Variants in DOCK1 observed in about 807,000 individuals in gnomAD.
The protein encoded by DOCK1 is dedicator of cytokinesis protein 1.
Under a neutral mutation model 262.7 loss-of-function variants are expected in DOCK1, and 138 were observed. The observed-to-expected ratio is 0.53, with a 90% CI of 0.46 to 0.61. The LOEUF (loss-of-function observed/expected upper bound fraction) is 0.61. Ranked by LOEUF, DOCK1 falls within the 20% of genes least tolerant of loss-of-function variation. DOCK1 has a pLI of 0.00. For missense variants in DOCK1, 1,908 were observed against 2,370.7 expected (o/e 0.80, Z 4.05); for synonymous variants, 866 against 867.4 (o/e 1.00, Z 0.03).
chr10:127,444,374 T>TGC, intron 50 of DOCK1, 95 bp downstream of exon 50: 2 of 1,398,148 alleles, frequency 1.4e-6, no homozygotes, highest in Non-Finnish European at 1.9e-6. Context: ...CTCCCTCCCC[T>TGC]TGCAGCAGAG....
intron 19 of DOCK1, among the ~76,000 whole-genome samples, chr10:127,038,535 A>G (rs1171043047): frequency 6.6e-6 from 1 of 152,150 alleles, no homozygotes; most frequent in African/African-American, 2.4e-5. Context: ...TACTGCCATC[A>G]GCATTCGTAC....
chr10:127,389,249 T>A (rs1345483757), intron 38 of DOCK1, among the ~76,000 whole-genome samples: 2 of 152,178 alleles, frequency 1.3e-5, no homozygotes, highest in Non-Finnish European at 2.9e-5. Flanking sequence ...GGACTTAGAA[T>A]CACTTTTGTT....
At chr10:127,228,359 T>A (rs1411919255) in intron 27 of DOCK1, among the ~76,000 whole-genome samples, 1 of 152,032 alleles carries the variant, frequency 6.6e-6, no homozygotes, top group African/African-American at 2.4e-5. Context: ...GGCCCGGAGG[T>A]GGCTGGAAGT....
At chr10:127,248,163 A>C in intron 28 of DOCK1, 54 bp downstream of exon 28, 3 of 1,458,848 alleles carry the variant, frequency 2.1e-6, no homozygotes, top group Non-Finnish European at 1.9e-6. Context: ...CCAGCACTTT[A>C]GACAAAAGCC....
chr10:127,041,848 T>A (rs1378413600), intron 19 of DOCK1, among the ~76,000 whole-genome samples: 1 of 152,206 alleles, frequency 6.6e-6, no homozygotes, highest in East Asian at 1.9e-4. Context: ...TGGCCAGTAT[T>A]TCGTTGTGTG....
chr10:127,199,059 G>GA (rs903516952), intron 27 of DOCK1, among the ~76,000 whole-genome samples: 66 of 143,200 alleles, frequency 4.6e-4, no homozygotes, highest in Non-Finnish European at 6.6e-4. Flanking sequence ...GCTTCCTCAG[G>GA]AAAAAAAAAA....
At chr10:127,133,732 A>C (rs1000153462) in intron 27 of DOCK1, among the ~76,000 whole-genome samples, 3 of 152,210 alleles carry the variant, frequency 2.0e-5, no homozygotes, top group African/African-American at 7.2e-5. Flanking sequence ...GCCTTAAGTT[A>C]ATTTTTGCGC....
At chr10:127,052,618 C>T (rs1036058166) in intron 21 of DOCK1, 63 bp from the exon 22 acceptor site, 94 of 1,608,240 alleles carry the variant, frequency 5.8e-5, no homozygotes, top group South Asian at 3.2e-4. Context: ...ATTTCCTTAG[C>T]AGTTAAGATT....
intron 27 of DOCK1, among the ~76,000 whole-genome samples, chr10:127,158,077 A>G (rs1180710933): frequency 2.0e-5 from 3 of 152,194 alleles, no homozygotes; most frequent in Non-Finnish European, 4.4e-5. Flanking sequence ...TTCACTGATA[A>G]TTTTATGGTC....
At position 127,043,049 on chromosome 10, in the gene DOCK1, T is replaced by G; in HGVS notation, c.2101-15T>G. 1 of 1,568,166 alleles carries G rather than the reference T, an allele frequency of 6.4e-7. No individual in the cohort carries two copies. The highest frequency in any genetic ancestry group is 1.7e-5 in the Admixed American group (1 of 57,168). ...ATTATGTTGCTAATGAAAATATTAT[T>G]GATTAATTTGACAGGTATTTATCAT... On this transcript the variant is annotated splice_polypyrimidine_tract_variant and intron_variant, in intron 20 of 51. Coordinates refer to ENST00000623213, the MANE Select transcript of DOCK1 (RefSeq NM_001290223.2).
Position 127,186,846 on chromosome 10 carries a change from CACAG to C in DOCK1, c.2847+59086_2847+59089del, listed in dbSNP as rs566184577. 5.3e-4 allele frequency among the ~76,000 whole-genome samples: 81 copies of C among 152,052 alleles called. No individual in the cohort carries two copies. The South Asian group carries it at 9.0e-3, about 17-fold the overall frequency. On this transcript the variant is annotated intron_variant, in intron 27 of 51. Coordinates refer to ENST00000623213, the MANE Select transcript of DOCK1 (RefSeq NM_001290223.2). Reference sequence around the variant, plus strand: ...GGGGAACGGTGAGTCGAGAGAAATGCACAGACAAACAGACACATGCACACACAGA... The same window carrying C: ...GGGGAACGGTGAGTCGAGAGAAATGCACAAACAGACACATGCACACACAGA...
intron 27 of DOCK1, among the ~76,000 whole-genome samples, chr10:127,220,857 G>A (rs1256700681): frequency 6.6e-6 from 1 of 151,686 alleles, no homozygotes; most frequent in Non-Finnish European, 1.5e-5. Context: ...TCCTAAACAA[G>A]TGCTGTTAAA....
intron 26 of DOCK1, among the ~76,000 whole-genome samples, chr10:127,126,637 A>G (rs2049981493): frequency 6.6e-6 from 1 of 152,010 alleles, no homozygotes; most frequent in African/African-American, 2.4e-5. Flanking sequence ...TGTGCCTTTC[A>G]CTCCCAACAT....
chr10:127,439,179 C>T lies in DOCK1; in HGVS notation c.5213C>T (p.Thr1738Ile). ...QEIFEKEFKP[T>I]DISLQQSEAV... ...ATATTTGAGAAAGAATTTAAACCCA[C>T]CGACATTTCCCTGCAGCAGTCTGAG... is the stretch of plus-strand genomic sequence containing the variant. Residue 1738 changes from threonine (T) to isoleucine (I), a missense_variant, in exon 49 of 52, where the codon ACC (threonine) becomes ATC (isoleucine). Transcript: ENST00000623213. 6.2e-7 allele frequency: 1 copy of T among 1,611,744 alleles called. No homozygotes were observed. The highest frequency in any genetic ancestry group is 8.5e-7 in the Non-Finnish European group (1 of 1,179,046).
intron 23 of DOCK1, among the ~76,000 whole-genome samples, chr10:127,093,202 CTTTCTTTCTTTCTTTCT>C (rs756157569): frequency 6.8e-4 from 88 of 129,632 alleles, no homozygotes; most frequent in African/African-American, 1.5e-3. Context: ...TCTCCTTTTT[CTTTCTTTCTTTCTTTCT>C]TTTCTTTCTT....
intron 1 of DOCK1, among the ~76,000 whole-genome samples, chr10:126,951,758 T>C (rs2036269298): frequency 6.6e-6 from 1 of 151,878 alleles, no homozygotes; most frequent in African/African-American, 2.4e-5. Flanking sequence ...TAGAACTAAA[T>C]CAAATGGAAA....
intron 22 of DOCK1, among the ~76,000 whole-genome samples, chr10:127,053,168 C>T (rs529979782): frequency 6.6e-6 from 1 of 152,234 alleles, no homozygotes; most frequent in East Asian, 1.9e-4. Context: ...GGCAAAAAGT[C>T]CCAAAAGAAA....
chr10:127,011,553 C>T (rs1240133078), intron 11 of DOCK1, among the ~76,000 whole-genome samples: 1 of 152,160 alleles, frequency 6.6e-6, no homozygotes, highest in African/African-American at 2.4e-5. Context: ...GCATATGCCC[C>T]CCGTTTGTAG....
chr10:126,947,685 G>GGTA (rs2035618361), intron 1 of DOCK1, among the ~76,000 whole-genome samples: 1 of 134,600 alleles, frequency 7.4e-6, no homozygotes. Flanking sequence ...TGGTGATGGT[G>GGTA]GTTGGTAGTA....
Sources: gnomAD v4.1 joint callset for allele counts (sites outside exome capture counted in the v4.1 genomes callset) on GRCh38, gnomAD v4.1.1 for gene constraint, MANE v1.5 for transcripts, NCBI Gene and HGNC (gene_info 2026-07-23, HGNC 2026-07-21) for gene names.